RNF144B: variants seen among roughly 807,000 people sequenced by gnomAD.
RNF144B encodes E3 ubiquitin-protein ligase RNF144B.
RNF144B carries 25 observed loss-of-function variants against 40.2 expected under a neutral mutation model. The observed-to-expected ratio is 0.62, with a 90% CI of 0.45 to 0.87. The LOEUF (loss-of-function observed/expected upper bound fraction) is 0.87, where lower values mean the gene tolerates loss of function less well. Among genes scored for constraint, RNF144B ranks in the 40% least tolerant of loss-of-function variants. The pLI is 0.00. For synonymous variants in RNF144B, 145 were observed against 136.3 expected, an observed-to-expected ratio of 1.06 and a Z score of -0.44; for missense variants, 365 against 373.7, an observed-to-expected ratio of 0.98 and a Z score of 0.19.
Position 18,456,449 on chromosome 6 carries a change from C to T in RNF144B, c.332-706C>T, listed in dbSNP as rs148531182. 5.9e-5 allele frequency among the ~76,000 whole-genome samples: 9 copies of T among 152,278 alleles called. No homozygotes were observed. Among genetic ancestry groups the T allele is most frequent in the African/African-American group, 2.2e-4 (9 of 41,570 alleles). On this transcript the variant is annotated intron_variant, in intron 4 of 7. Coordinates refer to ENST00000259939, the MANE Select transcript of RNF144B (RefSeq NM_182757.4). The surrounding 1 kb of genome is among the most constrained non-coding windows in gnomAD (Gnocchi z 4.7). Reference sequence around the variant, plus strand: ...GGACAAAGTCTTTTTGGAAAAATATCTTATTAAAAATTTGCTTTTTATGTC... The same window carrying T: ...GGACAAAGTCTTTTTGGAAAAATATTTTATTAAAAATTTGCTTTTTATGTC...
rs1759366940 is a variant in RNF144B at position 18,457,934 on chromosome 6, T to TG, written c.536+575_536+576insG. On this transcript the variant is annotated intron_variant, in intron 5 of 7. Transcript: ENST00000259939. This position sits in a 1 kb window ranked among gnomAD's most constrained non-coding sequence, Gnocchi z 5.1. ...TGTACCTTTTTAGTACAGCGGGTTT[T>TG]TTTTTGTTTTGTTTTGTTTTTGAGA... Among the ~76,000 whole-genome samples the TG allele has an allele frequency of 6.6e-6, 1 of 152,036 alleles. No homozygotes were observed. Among genetic ancestry groups the TG allele is most frequent in the African/African-American group, 2.4e-5 (1 of 41,376 alleles).
chr6:18,399,358 C>G, intron 1 of RNF144B, 141 bp from the exon 2 acceptor site: 1 of 609,912 alleles, frequency 1.6e-6, no homozygotes, highest in South Asian at 2.1e-5. Flanking sequence ...CACTCTCTAG[C>G]CCGTCGTTCC....
chr6:18,406,196 G>T lies in RNF144B; in HGVS notation c.165+6497G>T, dbSNP rs1191466314. On this transcript the variant is annotated intron_variant, in intron 2 of 7. Transcript: ENST00000259939. The surrounding 1 kb of genome is among the most constrained non-coding windows in gnomAD (Gnocchi z 4.2). ...GCTAACAAGTAAATACAGAAGTCAG[G>T]TGATGGTTTGTGCTATGGAAAAATA... The T allele has an allele frequency of 1.9e-6, 1 of 517,754 alleles. No individual in the cohort carries two copies. The highest frequency in any genetic ancestry group is 1.9e-5 in the African/African-American group (1 of 51,936). The allele number at this position is 517,754 out of a possible 1,614,324, so 32.1% of individuals were successfully genotyped here.
In RNF144B at chr6:18,408,544, G is replaced by A. The variant is rs149494934; in HGVS notation, c.165+8845G>A. Among the ~76,000 whole-genome samples the A allele has an allele frequency of 1.5e-3, 229 of 152,254 alleles. 1 individual carries two copies. The highest frequency in any genetic ancestry group is 5.1e-3 in the African/African-American group (211 of 41,544). ...GTAGTGGAAACTGTGGCATTCACTCGGATCCCTCTTCAGGGCAATGTTTCT... is the reference window on the plus strand; with the variant it reads ...GTAGTGGAAACTGTGGCATTCACTCAGATCCCTCTTCAGGGCAATGTTTCT... On this transcript the variant is annotated intron_variant, in intron 2 of 7. Transcript: ENST00000259939.
At chr6:18,396,346 A>G (rs909302982) in intron 1 of RNF144B, 2 of 921,108 alleles carry the variant, frequency 2.2e-6, no homozygotes, top group African/African-American at 1.8e-5. Flanking sequence ...AATTTCTAAG[A>G]GGTATCCCAA....
In RNF144B at chr6:18,395,838, T is replaced by A. The variant is rs1212667887; in HGVS notation, c.-36-3661T>A. 6.6e-6 allele frequency among the ~76,000 whole-genome samples: 1 copy of A among 152,154 alleles called. No individual in the cohort carries two copies. Among genetic ancestry groups the A allele is most frequent in the Non-Finnish European group, 1.5e-5 (1 of 68,018 alleles). The stretch of plus-strand genomic sequence containing the variant: ...TGGTGGTTTGACTAAGATTTTTGTT[T>A]TTGAAAGCTCATTGCTTGAAAAATG... On this transcript the variant is annotated intron_variant, in intron 1 of 7. Coordinates refer to ENST00000259939, the MANE Select transcript of RNF144B (RefSeq NM_182757.4). This position sits in a 1 kb window ranked among gnomAD's most constrained non-coding sequence, Gnocchi z 4.5.
chr6:18,399,726 T>C, intron 2 of RNF144B, 27 bp downstream of exon 2: 2 of 1,564,638 alleles, frequency 1.3e-6, no homozygotes, highest in Non-Finnish European at 1.8e-6. Context: ...GCTTTCACTA[T>C]GAGAAAATAC....
chr6:18,454,138 C>T (rs1011871743), intron 4 of RNF144B, among the ~76,000 whole-genome samples: 2 of 152,158 alleles, frequency 1.3e-5, no homozygotes, highest in African/African-American at 4.8e-5. Context: ...CATAACCTCA[C>T]ACAGTTGGGT....
rs1758774146 is a variant in RNF144B, at chr6:18,434,572, GA to G, written c.271-5109del. Among the ~76,000 whole-genome samples, 1 of 152,180 alleles carries G rather than the reference GA, an allele frequency of 6.6e-6. No individual in the cohort carries two copies. Among genetic ancestry groups the G allele is most frequent in the African/African-American group, 2.4e-5 (1 of 41,446 alleles). ...TCCCTGGATATGCTCTGCTAGGGAT[GA>G]AATGGAAAAGCAAAGACATTCAGCT... On this transcript the variant is annotated intron_variant, in intron 3 of 7. Coordinates refer to ENST00000259939, the MANE Select transcript of RNF144B (RefSeq NM_182757.4). This position sits in a 1 kb window ranked among gnomAD's most constrained non-coding sequence, Gnocchi z 4.1.
At chr6:18,455,976 G>T (rs1175020980) in intron 4 of RNF144B, among the ~76,000 whole-genome samples, 1 of 152,036 alleles carries the variant, frequency 6.6e-6, no homozygotes, top group African/African-American at 2.4e-5. Flanking sequence ...AGGCTGGAGT[G>T]CAGTGGTGCG....
At chr6:18,438,740 C>CA (rs1354319639) in intron 3 of RNF144B, among the ~76,000 whole-genome samples, 7 of 151,614 alleles carry the variant, frequency 4.6e-5, no homozygotes, top group African/African-American at 1.2e-4. Flanking sequence ...TGTTTTGTGC[C>CA]AAAAAAAGGT....
At chr6:18,428,372 G>T (rs1758613932) in intron 3 of RNF144B, among the ~76,000 whole-genome samples, 1 of 152,166 alleles carries the variant, frequency 6.6e-6, no homozygotes, top group Admixed American at 6.6e-5. Flanking sequence ...ATAGACCATG[G>T]ATTAGCTGCA....
chr6:18,388,107 C>T (rs79538175), intron 1 of RNF144B, among the ~76,000 whole-genome samples: 1 of 152,234 alleles, frequency 6.6e-6, no homozygotes, highest in African/African-American at 2.4e-5. Context: ...TTCTAAAACA[C>T]CTTTTGTTTT....
rs557682815 is a variant in RNF144B, at chr6:18,460,166, G to A, written c.681+415G>A. On this transcript the variant is annotated intron_variant, in intron 6 of 7. Coordinates refer to ENST00000259939, the MANE Select transcript of RNF144B (RefSeq NM_182757.4). The surrounding 1 kb of genome is among the most constrained non-coding windows in gnomAD (Gnocchi z 4.4). Reference sequence around the variant, plus strand: ...CTGGATTAAAATCAAGGTGTCAGCCGGGCTGCATTTCTTTCTGGAGGCTTT... The same window carrying A: ...CTGGATTAAAATCAAGGTGTCAGCCAGGCTGCATTTCTTTCTGGAGGCTTT... Among the ~76,000 whole-genome samples the A allele has an allele frequency of 1.4e-4, 22 of 152,272 alleles. No homozygotes were observed. In the East Asian group the frequency reaches 2.9e-3, roughly 20 times the overall value.
In RNF144B at chr6:18,448,096, A is replaced by G. The variant is rs542711945; in HGVS notation, c.331+8352A>G. On this transcript the variant is annotated intron_variant, in intron 4 of 7. Transcript: ENST00000259939. This position sits in a 1 kb window ranked among gnomAD's most constrained non-coding sequence, Gnocchi z 4.0. ...TGGAGAGGGTTCAGGGTACTATGAG[A>G]AGAAAAATGGGTGCAGTGAATATAT... Among the ~76,000 whole-genome samples, 3 of 152,244 alleles carry G rather than the reference A, an allele frequency of 2.0e-5. No homozygotes were observed. In the East Asian group the frequency reaches 5.8e-4, roughly 29 times the overall value.
At chr6:18,433,123 C>G (rs1236808817) in intron 3 of RNF144B, among the ~76,000 whole-genome samples, 1 of 152,192 alleles carries the variant, frequency 6.6e-6, no homozygotes, top group East Asian at 1.9e-4. Flanking sequence ...AATCCTCTGC[C>G]TCCACTTGCC....
chr6:18,417,966 T>C (rs1795177414), intron 2 of RNF144B, among the ~76,000 whole-genome samples: 1 of 152,118 alleles, frequency 6.6e-6, no homozygotes, highest in Non-Finnish European at 1.5e-5. Context: ...GATGTACAAA[T>C]TACCAATAAG....
Position 18,419,762 on chromosome 6 carries a change from T to A in RNF144B, c.166-7819T>A, listed in dbSNP as rs985111634. On this transcript the variant is annotated intron_variant, in intron 2 of 7. Transcript: ENST00000259939. The surrounding 1 kb of genome is among the most constrained non-coding windows in gnomAD (Gnocchi z 4.6). ...GACAACTCTTTCAAACATTTGATTG[T>A]GAAGAGTTGAGGAGTGAAGAAGGCA... Among the ~76,000 whole-genome samples the A allele has an allele frequency of 6.6e-6, 1 of 151,966 alleles. No individual in the cohort carries two copies. The highest frequency in any genetic ancestry group is 2.4e-5 in the African/African-American group (1 of 41,368).
rs1759381571 is a variant in RNF144B, at chr6:18,458,504, G to GCTAATACACA, written c.537-1103_537-1102insCTAATACACA. ...AGAAGCTAATACACATGGCAGGCAT[G>GCTAATACACA]TGCCCTCTTAGCCGGATTCAAACCA... On this transcript the variant is annotated intron_variant, in intron 5 of 7. Transcript: ENST00000259939. This position sits in a 1 kb window ranked among gnomAD's most constrained non-coding sequence, Gnocchi z 4.8. Among the ~76,000 whole-genome samples the GCTAATACACA allele has an allele frequency of 6.6e-6, 1 of 152,180 alleles. No homozygotes were observed. Among genetic ancestry groups the GCTAATACACA allele is most frequent in the Admixed American group, 6.5e-5 (1 of 15,272 alleles).
Sources: allele counts gnomAD v4.1 joint callset (sites outside exome capture counted in the v4.1 genomes callset), GRCh38; gene constraint gnomAD v4.1.1; non-coding constraint Gnocchi (gnomAD v3.1); transcripts MANE v1.5; gene names NCBI Gene and HGNC (gene_info 2026-07-23, HGNC 2026-07-21).